CFAP57: variants seen among roughly 807,000 people sequenced by gnomAD.
CFAP57 encodes cilia- and flagella-associated protein 57.
A neutral mutation model predicts 146.8 loss-of-function variants in CFAP57; 116 were observed. The ratio of observed to expected loss-of-function variants is 0.79; its 90% CI spans 0.68 to 0.92. CFAP57 has a LOEUF of 0.92. Ranked by LOEUF, CFAP57 falls within the 40% of genes least tolerant of loss-of-function variation. CFAP57 has a pLI of 0.00. For missense variants in CFAP57, 1,377 were observed against 1,527.2 expected (o/e 0.90, Z 1.64); for synonymous variants, 518 against 552.8 (o/e 0.94, Z 0.88).
At chr1:43,197,336 G>T (rs1015744798) in intron 6 of CFAP57, among the ~76,000 whole-genome samples, 6 of 152,050 alleles carry the variant, frequency 3.9e-5, no homozygotes, top group Non-Finnish European at 8.8e-5. Flanking sequence ...CAGCCTGGGG[G>T]ACAGAGCGAG....
chr1:43,212,214 AACC>A, intron 11 of CFAP57, among the ~76,000 whole-genome samples: 1 of 152,172 alleles, frequency 6.6e-6, no homozygotes, highest in Non-Finnish European at 1.5e-5. Context: ...CAGTCTGTGT[AACC>A]ACCACTACAA....
intron 21 of CFAP57, among the ~76,000 whole-genome samples, chr1:43,239,926 A>G (rs2124645125): frequency 6.6e-6 from 1 of 152,244 alleles, no homozygotes; most frequent in Non-Finnish European, 1.5e-5. Context: ...TTAGTTATAC[A>G]TTTTCTCATC....
intron 9 of CFAP57, chr1:43,206,362 T>A (rs564912939): frequency 2.9e-4 from 68 of 234,714 alleles, no homozygotes; most frequent in Admixed American, 9.4e-4. Flanking sequence ...ATTCCAGAAG[T>A]CCACTCTCTC....
chr1:43,234,623 C>T lies in CFAP57; in HGVS notation c.3390C>T (p.Tyr1130=), dbSNP rs556562445. 1.4e-5 allele frequency: 21 copies of T among 1,549,882 alleles called. No homozygotes were observed. In the African/African-American group the frequency reaches 1.4e-4, roughly 10 times the overall value. ...VKEGELHRTD[Y]VRIMQENVSL... The stretch of plus-strand genomic sequence containing the variant: ...AGGGCGAGCTGCACCGCACAGACTA[C>T]GTCCGCATCATGCAGGTACCTGCAT... Residue 1130 remains tyrosine (Y), a synonymous_variant, in exon 21 of 23, where the codon TAC becomes TAT. Transcript: ENST00000372492.
In CFAP57 at chr1:43,187,603, C is replaced by CA. The variant is rs1389108441; in HGVS notation, c.1122+757dup. 7.0e-3 allele frequency among the ~76,000 whole-genome samples: 949 copies of CA among 136,096 alleles called. 6 individuals carry two copies. Among genetic ancestry groups the CA allele is most frequent in the African/African-American group, 0.021 (788 of 37,308 alleles). The allele number at this position is 136,096 out of a possible 152,430, so 89.3% of individuals were successfully genotyped here. A position where few individuals can be genotyped will look rare whatever the true frequency, so the allele number is the denominator to read the frequency against. Reference sequence around the variant, plus strand: ...CAGCCTTAGGACATTTTTATCACCTCAAAAAAAAAAAAAGCGCATACCCTT... The same window carrying CA: ...CAGCCTTAGGACATTTTTATCACCTCAAAAAAAAAAAAAAGCGCATACCCTT... On this transcript the variant is annotated intron_variant, in intron 6 of 22. Coordinates refer to ENST00000372492, the MANE Select transcript of CFAP57 (RefSeq NM_001378189.1).
intron 18 of CFAP57, chr1:43,232,215 A>G: frequency 1.6e-6 from 1 of 610,918 alleles, no homozygotes; most frequent in South Asian, 1.9e-5. Context: ...TAAGGAATTC[A>G]AGAAAATAAA....
intron 6 of CFAP57, among the ~76,000 whole-genome samples, chr1:43,187,358 A>G (rs1444483314): frequency 6.6e-6 from 1 of 152,190 alleles, no homozygotes; most frequent in Non-Finnish European, 1.5e-5. Context: ...GCATGTACCT[A>G]ATACCATAGA....
intron 13 of CFAP57, among the ~76,000 whole-genome samples, chr1:43,220,719 G>C: frequency 6.6e-6 from 1 of 151,638 alleles, no homozygotes; most frequent in East Asian, 1.9e-4. Flanking sequence ...GCGAGGCCCT[G>C]TCCCTCACCC....
Position 43,183,835 on chromosome 1 carries a change from C to A in CFAP57, c.719C>A (p.Thr240Asn), listed in dbSNP as rs766727793. 2 of 1,614,162 alleles carry A rather than the reference C, an allele frequency of 1.2e-6. No homozygotes were observed. The change falls in exon 4 of 23, where the codon ACC (threonine) becomes AAC (asparagine). Residue 240 changes from threonine to asparagine, a missense_variant. Transcript: ENST00000372492. ...WETSIMVKEPTNGSKSLDVIQ... is the reference protein window; with the variant it reads ...WETSIMVKEPNNGSKSLDVIQ... ...ACCAGCATAATGGTCAAGGAACCTA[C>A]CAATGGCTCAAAGAGCCTGGATGTC...
chr1:43,228,613 CT>C (rs1645347944), intron 18 of CFAP57, among the ~76,000 whole-genome samples: 1 of 148,982 alleles, frequency 6.7e-6, no homozygotes, highest in Non-Finnish European at 1.5e-5. Flanking sequence ...GTGACAATGA[CT>C]TTTTCCCTGG....
chr1:43,210,973 A>AC (rs1281595810), intron 11 of CFAP57: 1 of 150,052 alleles, frequency 6.7e-6, no homozygotes, highest in Non-Finnish European at 1.5e-5. Context: ...CCTACACTGG[A>AC]CCCCCCAAAA....
intron 22 of CFAP57, among the ~76,000 whole-genome samples, chr1:43,243,669 T>TA: frequency 6.6e-6 from 1 of 152,214 alleles, no homozygotes; most frequent in East Asian, 1.9e-4. Flanking sequence ...GGCAGTGCCC[T>TA]AAAATCAAAC....
At position 43,181,823 on chromosome 1, in the gene CFAP57, C is replaced by A; in HGVS notation, c.447C>A (p.Ile149=). Residue 149 remains isoleucine (I), a synonymous_variant, in exon 3 of 23, where the codon ATC becomes ATA. Transcript: ENST00000372492. The part of the protein sequence containing the change: ...EKQKVMAIVR[I]DTQNNPVYQV... Reference sequence around the variant, plus strand: ...AGAAAGTAATGGCCATTGTTAGAATCGACACTCAGAACAACCCTGTCTACC... The same window carrying A: ...AGAAAGTAATGGCCATTGTTAGAATAGACACTCAGAACAACCCTGTCTACC... The A allele has an allele frequency of 6.2e-7, 1 of 1,614,100 alleles. No homozygotes were observed. The highest frequency in any genetic ancestry group is 8.5e-7 in the Non-Finnish European group (1 of 1,180,016).
intron 10 of CFAP57, 26 bp from the exon 11 acceptor site, chr1:43,209,717 A>G: frequency 1.2e-6 from 2 of 1,609,776 alleles, no homozygotes; most frequent in Non-Finnish European, 1.7e-6. Flanking sequence ...GACCCCTCAC[A>G]CTGAGCAGAG....
At chr1:43,177,290 A>G in intron 2 of CFAP57, 1 of 442,794 alleles carries the variant, frequency 2.3e-6, no homozygotes, top group South Asian at 1.6e-5. Context: ...ATATGCTTTG[A>G]CAGATTTCTT....
At chr1:43,176,784 A>G (rs1280624158) in intron 2 of CFAP57, among the ~76,000 whole-genome samples, 1 of 152,214 alleles carries the variant, frequency 6.6e-6, no homozygotes, top group African/African-American at 2.4e-5. Flanking sequence ...AGTTGTAGAT[A>G]GGGAGGCTGG....
chr1:43,213,520 C>T (rs1434797823), intron 11 of CFAP57, among the ~76,000 whole-genome samples: 1 of 149,360 alleles, frequency 6.7e-6, no homozygotes, highest in Non-Finnish European at 1.5e-5. Flanking sequence ...GGCGGTGGAG[C>T]GCAGGTATCC....
At chr1:43,217,413 A>G (rs1644875071) in intron 12 of CFAP57, among the ~76,000 whole-genome samples, 1 of 152,132 alleles carries the variant, frequency 6.6e-6, no homozygotes, top group South Asian at 2.1e-4. Context: ...AATATATCCC[A>G]CTAGCCAGGG....
At chr1:43,225,394 G>A (rs1645208415) in intron 17 of CFAP57, among the ~76,000 whole-genome samples, 2 of 152,252 alleles carry the variant, frequency 1.3e-5, no homozygotes, top group Non-Finnish European at 2.9e-5. Flanking sequence ...CACCGCTGCT[G>A]TAGTGTGAAA....
Sources: gnomAD v4.1 joint callset for allele counts (sites outside exome capture counted in the v4.1 genomes callset) on GRCh38, gnomAD v4.1.1 for gene constraint, MANE v1.5 for transcripts, NCBI Gene and HGNC (gene_info 2026-07-23, HGNC 2026-07-21) for gene names.